The following FAM53A variants were observed in gnomAD, a reference collection of about 807,000 sequenced individuals.
FAM53A encodes family with sequence similarity 53 member A.
In FAM53A, 28 loss-of-function variants were observed where a neutral mutation model predicts 26.6. The observed-to-expected ratio is 1.05, with a 90% CI of 0.78 to 1.45. The LOEUF (loss-of-function observed/expected upper bound fraction) is 1.45. Among genes scored for constraint, FAM53A ranks in the 40% most tolerant of loss-of-function variants. The pLI is 0.00. For synonymous variants in FAM53A, 290 were observed against 253.1 expected, an observed-to-expected ratio of 1.15 and a Z score of -1.38; for missense variants, 650 against 575.8, an observed-to-expected ratio of 1.13 and a Z score of -1.32.
At chr4:1,674,338 A>C (rs1178355150) in intron 1 of FAM53A, among the ~76,000 whole-genome samples, 1 of 152,070 alleles carries the variant, frequency 6.6e-6, no homozygotes, top group East Asian at 1.9e-4. Flanking sequence ...GTTAGAGCCG[A>C]CTCTAATCAT....
the FAM53A span, among the ~76,000 whole-genome samples, chr4:1,610,522 G>A: frequency 1.3e-5 from 2 of 152,184 alleles, no homozygotes; most frequent in African/African-American, 2.4e-5. Flanking sequence ...GCAGCAAGAG[G>A]TGCCCAACAC....
rs374562587 is a variant in FAM53A at position 1,655,172 on chromosome 4, C to T, written c.688G>A (p.Ala230Thr). ...RRPSLSQERL[A>T]GAGTPLPWAS... Reference sequence around the variant, plus strand: ...CAGGGCAGGGGAGTGCCCGCACCCGCGAGTCGCTCCTGTGAGAGGGACGGG... The same window carrying T: ...CAGGGCAGGGGAGTGCCCGCACCCGTGAGTCGCTCCTGTGAGAGGGACGGG... The change falls in exon 4 of 5, where the codon GCG becomes ACG. Residue 230 changes from alanine (A) to threonine (T), a missense_variant. Physicochemically the swap from Ala to Thr is moderately conservative, Grantham distance 58. Coordinates refer to ENST00000308132, the MANE Select transcript of FAM53A (RefSeq NM_001174070.3). The T allele has an allele frequency of 9.5e-6, 15 of 1,571,958 alleles. No individual in the cohort carries two copies. In the African/African-American group the frequency reaches 1.2e-4, roughly 13 times the overall value.
At chr4:1,610,068 C>T in the FAM53A span, among the ~76,000 whole-genome samples, 1 of 151,990 alleles carries the variant, frequency 6.6e-6, no homozygotes, top group Non-Finnish European at 1.5e-5. Context: ...TGGCGGCCCC[C>T]GAGATGGGTG....
chr4:1,620,304 C>G (rs899547012), intron 1 of FAM53A, among the ~76,000 whole-genome samples: 10 of 152,064 alleles, frequency 6.6e-5, no homozygotes, highest in Admixed American at 1.3e-4. Flanking sequence ...TGCCTGGACA[C>G]AGCTGTGGAA....
chr4:1,628,663 T>G (rs1250048481), intron 1 of FAM53A, among the ~76,000 whole-genome samples: 8 of 7,840 alleles, frequency 1.0e-3, no homozygotes, highest in Non-Finnish European at 1.5e-3. Flanking sequence ...GGTGGCATGG[T>G]GGGAGGGTGG....
chr4:1,633,185 C>A (rs1384437990), intron 1 of FAM53A, among the ~76,000 whole-genome samples: 1 of 152,240 alleles, frequency 6.6e-6, no homozygotes, highest in African/African-American at 2.4e-5. Flanking sequence ...TGCTCACACA[C>A]ACGAGCGCAT....
intron 4 of FAM53A, among the ~76,000 whole-genome samples, chr4:1,648,375 G>A (rs1017951086): frequency 3.3e-5 from 5 of 152,144 alleles, no homozygotes; most frequent in Admixed American, 6.5e-5. Context: ...GGCAGATGAG[G>A]GACACAGAGA....
the FAM53A span, among the ~76,000 whole-genome samples, chr4:1,580,588 C>T: frequency 6.7e-5 from 5 of 74,240 alleles, 1 homozygote; most frequent in Middle Eastern, 0.02. Context: ...CCTCCTACCT[C>T]GGGCCCCACC....
At chr4:1,611,916 T>A in the FAM53A span, among the ~76,000 whole-genome samples, 4 of 152,044 alleles carry the variant, frequency 2.6e-5, no homozygotes, top group African/African-American at 9.7e-5. Context: ...GGGGAGGTGG[T>A]TTTATAGGAG....
At position 1,659,248 on chromosome 4, in the gene FAM53A, G is replaced by A. The variant is rs1696731518; in HGVS notation, c.76-1780C>T. Among the ~76,000 whole-genome samples the A allele has an allele frequency of 6.6e-6, 1 of 152,162 alleles. No individual in the cohort carries two copies. The highest frequency in any genetic ancestry group is 1.5e-5 in the Non-Finnish European group (1 of 68,034). On this transcript the variant is annotated intron_variant, in intron 2 of 4. Transcript: ENST00000308132. The surrounding 1 kb of genome is among the most constrained non-coding windows in gnomAD (Gnocchi z 5.2). The stretch of plus-strand genomic sequence containing the variant: ...TCCCACCCCGGGACCCGGGTCCGAT[G>A]GAAGAGAGGAGAGGCAGCTCTGCTA...
the FAM53A span, among the ~76,000 whole-genome samples, chr4:1,611,147 G>A: frequency 2.6e-5 from 4 of 152,228 alleles, no homozygotes; most frequent in Non-Finnish European, 2.9e-5. Flanking sequence ...ACCCAGCCCG[G>A]CTCACAGGAA....
At position 1,641,626 on chromosome 4, in the gene FAM53A, G is replaced by A. The variant is rs200588918; in HGVS notation, c.883-19C>T. On this transcript the variant is annotated intron_variant, in intron 4 of 4. Coordinates refer to ENST00000308132, the MANE Select transcript of FAM53A (RefSeq NM_001174070.3). ...TTAAAGTCTGCAATAGAAAAGATAC[G>A]GGCTTAAAGCATTTCTAGCAGATCA... The A allele has an allele frequency of 3.2e-5, 52 of 1,612,886 alleles. No homozygotes were observed. Among genetic ancestry groups the A allele is most frequent in the Non-Finnish European group, 4.2e-5 (49 of 1,179,352 alleles).
intron 1 of FAM53A, among the ~76,000 whole-genome samples, chr4:1,624,657 C>T (rs970779272): frequency 2.6e-5 from 4 of 152,220 alleles, no homozygotes; most frequent in Non-Finnish European, 5.9e-5. Context: ...CAGGCCAGCC[C>T]GCCTCCCCGC....
the FAM53A span, among the ~76,000 whole-genome samples, chr4:1,587,948 C>T: frequency 2.5e-4 from 38 of 152,070 alleles, no homozygotes; most frequent in African/African-American, 6.7e-4. Context: ...TGCTCTTTTT[C>T]GAAGACTAAG....
At chr4:1,655,750 G>T in intron 3 of FAM53A, 27 bp from the exon 4 acceptor site, 1 of 1,516,104 alleles carries the variant, frequency 6.6e-7, no homozygotes. Context: ...AAAGAGGCAG[G>T]GGAAGAGACA....
the FAM53A span, among the ~76,000 whole-genome samples, chr4:1,590,151 T>C: frequency 2.3e-4 from 35 of 152,252 alleles, no homozygotes; most frequent in Non-Finnish European, 4.1e-4. Context: ...TCAGTACTTA[T>C]GATTTTTCTT....
At chr4:1,627,069 T>C (rs778300092) in intron 1 of FAM53A, among the ~76,000 whole-genome samples, 14 of 152,160 alleles carry the variant, frequency 9.2e-5, no homozygotes, top group Non-Finnish European at 1.9e-4. Context: ...CGTGGCCATG[T>C]GGACGCAGGC....
intron 4 of FAM53A, among the ~76,000 whole-genome samples, chr4:1,643,337 G>A (rs553399595): frequency 6.6e-6 from 1 of 151,964 alleles, no homozygotes; most frequent in East Asian, 2.0e-4. Context: ...GTGGTGGCGG[G>A]CGCCTGTAGT....
chr4:1,679,531 CA>C (rs1242048505), intron 1 of FAM53A, among the ~76,000 whole-genome samples: 11 of 150,292 alleles, frequency 7.3e-5, no homozygotes, highest in Admixed American at 2.0e-4. Context: ...ACTAAAACTA[CA>C]AAAATTAGCC....
Sources: allele counts gnomAD v4.1 joint callset (sites outside exome capture counted in the v4.1 genomes callset), GRCh38; gene constraint gnomAD v4.1.1; non-coding constraint Gnocchi (gnomAD v3.1); transcripts MANE v1.5; gene names NCBI Gene and HGNC (gene_info 2026-07-23, HGNC 2026-07-21).